Variants in TNIK observed in about 807,000 individuals in gnomAD.
TNIK encodes TRAF2 and NCK-interacting protein kinase.
A neutral mutation model predicts 191.3 loss-of-function variants in TNIK; 49 were observed. The observed-to-expected ratio is 0.26, with a 90% CI of 0.20 to 0.32. TNIK has a LOEUF of 0.32. TNIK is among the 10% of genes least tolerant of loss of function. The probability of loss-of-function intolerance (pLI) is 1.00; values close to 1 mark genes in which losing one functional copy is unlikely to be tolerated. For missense variants in TNIK, 1,155 were observed against 1,702.3 expected, an observed-to-expected ratio of 0.68 and a Z score of 5.66; for synonymous variants, 594 against 600.9, an observed-to-expected ratio of 0.99 and a Z score of 0.17.
At chr3:171,389,619 G>A (rs757080904) in intron 1 of TNIK, among the ~76,000 whole-genome samples, 52 of 152,224 alleles carry the variant, frequency 3.4e-4, no homozygotes, top group African/African-American at 9.6e-4. Context: ...ATCATTTAAC[G>A]GAACATAGAG....
intron 1 of TNIK, among the ~76,000 whole-genome samples, chr3:171,375,777 G>C (rs1405770916): frequency 6.6e-6 from 1 of 152,156 alleles, no homozygotes; most frequent in East Asian, 1.9e-4. Context: ...CATAAAAGAT[G>C]ATACATATTC....
chr3:171,096,334 C>T (rs532617497), intron 22 of TNIK, among the ~76,000 whole-genome samples: 1 of 152,148 alleles, frequency 6.6e-6, no homozygotes, highest in African/African-American at 2.4e-5. Context: ...AAAGTGAGCC[C>T]TCCAAAACAC....
At chr3:171,067,603 C>T (rs1332476634) in intron 30 of TNIK, among the ~76,000 whole-genome samples, 1 of 146,504 alleles carries the variant, frequency 6.8e-6, no homozygotes, top group African/African-American at 2.5e-5. Context: ...CCAGGAGAGG[C>T]GGAGCTTGCA....
intron 23 of TNIK, among the ~76,000 whole-genome samples, chr3:171,090,339 C>A (rs1721892669): frequency 6.6e-6 from 1 of 152,138 alleles, no homozygotes; most frequent in South Asian, 2.1e-4. Context: ...CCATGAAATA[C>A]CCTAAATCTT....
chr3:171,177,940 A>G (rs1736154149), intron 7 of TNIK, among the ~76,000 whole-genome samples: 1 of 152,234 alleles, frequency 6.6e-6, no homozygotes, highest in South Asian at 2.1e-4. Flanking sequence ...AAAGTTTTGT[A>G]TAAGTGAAAT....
chr3:171,223,000 CAA>C (rs1742544666), intron 3 of TNIK, among the ~76,000 whole-genome samples: 1 of 152,202 alleles, frequency 6.6e-6, no homozygotes, highest in African/African-American at 2.4e-5. Flanking sequence ...TCTATTTGAT[CAA>C]AGTGTTCTAC....
intron 18 of TNIK, among the ~76,000 whole-genome samples, chr3:171,111,214 G>A (rs967923032): frequency 5.3e-5 from 8 of 152,132 alleles, no homozygotes; most frequent in African/African-American, 1.9e-4. Context: ...TTGAGGCCAG[G>A]AGTTCAAGAC....
intron 2 of TNIK, among the ~76,000 whole-genome samples, chr3:171,268,293 C>A (rs1192392629): frequency 1.3e-5 from 2 of 152,114 alleles, no homozygotes; most frequent in Non-Finnish European, 2.9e-5. Context: ...CAGAATCCCT[C>A]ACCTTTGCTA....
chr3:171,443,163 T>G (rs553944215), intron 1 of TNIK, among the ~76,000 whole-genome samples: 1 of 152,220 alleles, frequency 6.6e-6, no homozygotes, highest in African/African-American at 2.4e-5. Flanking sequence ...GCAGAGGCCT[T>G]TTAGGAAGAG....
chr3:171,070,421 A>G (rs754025691), intron 29 of TNIK, among the ~76,000 whole-genome samples: 3 of 152,186 alleles, frequency 2.0e-5, no homozygotes, highest in Admixed American at 6.5e-5. Context: ...AGCCAATGAG[A>G]CATAAAGAAG....
At chr3:171,322,198 T>A (rs572347182) in intron 2 of TNIK, among the ~76,000 whole-genome samples, 1 of 152,312 alleles carries the variant, frequency 6.6e-6, no homozygotes, top group African/African-American at 2.4e-5. Flanking sequence ...AGGGTCAATA[T>A]GAAAAAATTA....
chr3:171,325,851 C>A (rs1351547589), intron 2 of TNIK, among the ~76,000 whole-genome samples: 1 of 152,248 alleles, frequency 6.6e-6, no homozygotes, highest in Non-Finnish European at 1.5e-5. Context: ...GAACCTGCTT[C>A]TACCTCTTGA....
At chr3:171,177,717 T>C (rs1422816524) in intron 7 of TNIK, among the ~76,000 whole-genome samples, 1 of 152,250 alleles carries the variant, frequency 6.6e-6, no homozygotes, top group African/African-American at 2.4e-5. Flanking sequence ...AATTGTCATA[T>C]AATAAACTGT....
chr3:171,409,701 C>T (rs1298923242), intron 1 of TNIK, among the ~76,000 whole-genome samples: 1 of 150,384 alleles, frequency 6.6e-6, no homozygotes, highest in Non-Finnish European at 1.5e-5. Flanking sequence ...CCGTCCTCCC[C>T]AGACACCACA....
chr3:171,091,009 G>C (rs1283709358), intron 23 of TNIK, among the ~76,000 whole-genome samples: 1 of 152,080 alleles, frequency 6.6e-6, no homozygotes, highest in African/African-American at 2.4e-5. Flanking sequence ...TTTTGTCAGG[G>C]ATAAACTTTA....
At chr3:171,340,908 A>G (rs1425539638) in intron 2 of TNIK, among the ~76,000 whole-genome samples, 3 of 149,398 alleles carry the variant, frequency 2.0e-5, no homozygotes, top group Non-Finnish European at 4.5e-5. Context: ...TTGGGAGGGA[A>G]AAAAAAAAAG....
chr3:171,313,275 T>C (rs976569537), intron 2 of TNIK, among the ~76,000 whole-genome samples: 1 of 151,476 alleles, frequency 6.6e-6, no homozygotes, highest in Non-Finnish European at 1.5e-5. Flanking sequence ...TTTCTTTTTT[T>C]TTAAATAGCT....
chr3:171,157,697 G>A (rs532386980), intron 11 of TNIK, 33 bp from the exon 12 acceptor site: 29 of 1,549,396 alleles, frequency 1.9e-5, no homozygotes, highest in South Asian at 2.4e-5. Context: ...AGGATCCCAC[G>A]TGGGGCAGGG....
intron 22 of TNIK, 82 bp from the exon 23 acceptor site, chr3:171,094,050 T>C (rs577582380): frequency 1.5e-5 from 22 of 1,497,084 alleles, no homozygotes; most frequent in East Asian, 4.8e-5. Flanking sequence ...ATTTTTGTTA[T>C]GGTAAAATAT....
Sources: allele counts gnomAD v4.1 joint callset (sites outside exome capture counted in the v4.1 genomes callset), GRCh38; gene constraint gnomAD v4.1.1; transcripts MANE v1.5; gene names NCBI Gene and HGNC (gene_info 2026-07-23, HGNC 2026-07-21).